SHOC2: variants seen among roughly 807,000 people sequenced by gnomAD.
The protein encoded by SHOC2 is SHOC2 leucine rich repeat scaffold protein.
In SHOC2, 4 loss-of-function variants were observed where a neutral mutation model predicts 50.2. The ratio of observed to expected loss-of-function variants is 0.08; its 90% CI spans 0.04 to 0.18. SHOC2 has a LOEUF of 0.18. Among genes scored for constraint, SHOC2 ranks in the 10% least tolerant of loss-of-function variants. The pLI is 1.00. For synonymous variants in SHOC2, 218 were observed against 244.5 expected (o/e 0.89, Z 1.01); for missense variants, 388 against 669.6 (o/e 0.58, Z 4.64).
At chr10:110,983,774 T>C (rs1315961711) in intron 2 of SHOC2, among the ~76,000 whole-genome samples, 1 of 152,142 alleles carries the variant, frequency 6.6e-6, no homozygotes, top group African/African-American at 2.4e-5. Context: ...CATAAAATTG[T>C]TTTTTTGTGT....
Position 111,011,951 on chromosome 10 carries a change from TAGA to T in SHOC2, c.*134_*136del. The T allele has an allele frequency of 1.3e-6, 1 of 760,058 alleles. No homozygotes were observed. Among genetic ancestry groups the T allele is most frequent in the South Asian group, 1.6e-5 (1 of 61,918 alleles). 47.1% of individuals were successfully genotyped at this position (760,058 alleles called of 1,614,324 possible). ...AAATTGCATTATGTGTTTCTGCTAA[TAGA>T]GGAATCATAGCCATTTAGAATTTTT... is the stretch of plus-strand genomic sequence containing the variant. On this transcript the variant is annotated 3_prime_UTR_variant, in exon 9 of 9. Coordinates refer to ENST00000369452, the MANE Select transcript of SHOC2 (RefSeq NM_007373.4).
chr10:110,975,257 G>A (rs946865043), intron 2 of SHOC2, among the ~76,000 whole-genome samples: 12 of 151,614 alleles, frequency 7.9e-5, no homozygotes, highest in Admixed American at 7.2e-4. Context: ...CTGGGTTCAC[G>A]CCATTCTCCT....
intron 2 of SHOC2, among the ~76,000 whole-genome samples, chr10:110,972,858 A>G (rs529535070): frequency 1.7e-4 from 26 of 152,176 alleles, no homozygotes; most frequent in Non-Finnish European, 2.9e-4. Context: ...GGAACACAGA[A>G]AAATAGTACT....
intron 2 of SHOC2, among the ~76,000 whole-genome samples, chr10:110,967,278 T>C (rs1207819023): frequency 6.6e-6 from 1 of 152,168 alleles, no homozygotes; most frequent in Admixed American, 6.5e-5. Context: ...GAATTTGAAA[T>C]GTAAGTCTTG....
At chr10:110,957,535 C>G (rs542982752) in intron 1 of SHOC2, among the ~76,000 whole-genome samples, 15 of 148,190 alleles carry the variant, frequency 1.0e-4, no homozygotes, top group Non-Finnish European at 2.1e-4. Flanking sequence ...TGAAGATACC[C>G]CCCCCCCAGC....
At chr10:110,950,325 G>A (rs1237666852) in intron 1 of SHOC2, among the ~76,000 whole-genome samples, 3 of 144,120 alleles carry the variant, frequency 2.1e-5, no homozygotes, top group African/African-American at 5.2e-5. Flanking sequence ...TAACAAAGGA[G>A]GTGAATGATC....
intron 2 of SHOC2, among the ~76,000 whole-genome samples, chr10:110,972,217 C>G (rs7070962): frequency 0.12 from 17,854 of 151,138 alleles, 1,178 homozygotes; most frequent in Middle Eastern, 0.17. Context: ...TATTTTAGTA[C>G]AGCATTATAA....
intron 1 of SHOC2, chr10:110,920,207 A>C (rs891520114): frequency 6.6e-6 from 1 of 152,416 alleles, no homozygotes; most frequent in Non-Finnish European, 1.5e-5. Context: ...TCCTCTCCCT[A>C]AAAACCCTTG....
intron 2 of SHOC2, among the ~76,000 whole-genome samples, chr10:110,980,639 G>C (rs1442822094): frequency 1.3e-5 from 2 of 152,094 alleles, no homozygotes; most frequent in African/African-American, 4.8e-5. Flanking sequence ...ATCATGGTTT[G>C]CTTCAAAACT....
At chr10:110,956,913 A>G (rs80040312) in intron 1 of SHOC2, among the ~76,000 whole-genome samples, 2,729 of 152,150 alleles carry the variant, frequency 0.018, 40 homozygotes, top group Non-Finnish European at 0.028. Context: ...AAAGTTAGCT[A>G]TATTTGTAGC....
chr10:111,009,109 A>G (rs979008042), intron 6 of SHOC2, 139 bp from the exon 7 acceptor site: 2 of 456,364 alleles, frequency 4.4e-6, no homozygotes, highest in Admixed American at 4.0e-5. Context: ...TAAATATTTT[A>G]TATGTTATAT....
chr10:111,000,381 A>G, intron 3 of SHOC2, 34 bp from the exon 4 acceptor site: 1 of 1,611,084 alleles, frequency 6.2e-7, no homozygotes, highest in South Asian at 1.1e-5. Context: ...AGATTTTGTA[A>G]AAAATAAATT....
chr10:110,940,311 GTTC>G (rs1306538493), intron 1 of SHOC2, among the ~76,000 whole-genome samples: 2 of 152,096 alleles, frequency 1.3e-5, no homozygotes, highest in African/African-American at 4.8e-5. Flanking sequence ...TGTGGTGTAT[GTTC>G]TTCTATTTCT....
chr10:110,920,778 C>T (rs1197354950), intron 1 of SHOC2, among the ~76,000 whole-genome samples: 3 of 152,168 alleles, frequency 2.0e-5, no homozygotes, highest in Non-Finnish European at 2.9e-5. Context: ...TTCGAAGTCT[C>T]TGGGGATGCT....
chr10:110,983,691 G>A (rs1848026759), intron 2 of SHOC2, among the ~76,000 whole-genome samples: 1 of 152,054 alleles, frequency 6.6e-6, no homozygotes, highest in Admixed American at 6.6e-5. Flanking sequence ...TCTCTCCTCA[G>A]CACCTACTAA....
At chr10:110,969,700 A>G (rs936644066) in intron 2 of SHOC2, among the ~76,000 whole-genome samples, 6 of 152,158 alleles carry the variant, frequency 3.9e-5, no homozygotes, top group Non-Finnish European at 8.8e-5. Context: ...TATTTTTAAA[A>G]ATGTGTTTTA....
At chr10:110,979,257 G>A (rs1470893152) in intron 2 of SHOC2, among the ~76,000 whole-genome samples, 1 of 152,176 alleles carries the variant, frequency 6.6e-6, no homozygotes, top group Non-Finnish European at 1.5e-5. Context: ...TTTCACATGG[G>A]TCTTTTCAAC....
intron 1 of SHOC2, chr10:110,936,997 G>A (rs11195380): frequency 1.4e-6 from 2 of 1,476,188 alleles, no homozygotes; most frequent in Non-Finnish European, 1.9e-6. Context: ...TCAGCCAGAA[G>A]ATGGGGCTGG....
At chr10:111,000,583 G>A (rs962107184) in intron 4 of SHOC2, 38 bp downstream of exon 4, 1 of 1,564,064 alleles carries the variant, frequency 6.4e-7, no homozygotes, top group Non-Finnish European at 8.8e-7. Context: ...TTTGAAATGA[G>A]TCTGCAAGAT....
Sources: gnomAD v4.1 joint callset for allele counts (sites outside exome capture counted in the v4.1 genomes callset) on GRCh38, gnomAD v4.1.1 for gene constraint, MANE v1.5 for transcripts, NCBI Gene and HGNC (gene_info 2026-07-23, HGNC 2026-07-21) for gene names.